POU6F2: variants seen among roughly 807,000 people sequenced by gnomAD.
POU6F2 encodes POU class 6 homeobox 2, also known as POU domain, class 6, transcription factor 2.
In POU6F2, 31 loss-of-function variants were observed where a neutral mutation model predicts 71.3. The observed-to-expected ratio is 0.43, with a 90% CI of 0.33 to 0.59. The LOEUF is 0.59. Ranked by LOEUF, POU6F2 falls within the 20% of genes least tolerant of loss-of-function variation. The pLI is 0.04. For synonymous variants in POU6F2, 347 were observed against 355.7 expected, an observed-to-expected ratio of 0.98 and a Z score of 0.27; for missense variants, 783 against 856.8, an observed-to-expected ratio of 0.91 and a Z score of 1.07.
chr7:39,012,267 A>G (rs2128703557), intron 1 of POU6F2, among the ~76,000 whole-genome samples: 1 of 151,852 alleles, frequency 6.6e-6, no homozygotes, highest in African/African-American at 2.4e-5. Context: ...GCTTCATTTC[A>G]TTCATTTCAT....
At chr7:39,039,516 A>G (rs1182158915) in intron 1 of POU6F2, among the ~76,000 whole-genome samples, 3 of 151,892 alleles carry the variant, frequency 2.0e-5, no homozygotes, top group East Asian at 1.9e-4. Flanking sequence ...CTCTCTCACT[A>G]TAGACAATCT....
intron 6 of POU6F2, among the ~76,000 whole-genome samples, chr7:39,407,527 C>G (rs1787460750): frequency 1.3e-5 from 2 of 151,254 alleles, no homozygotes. Flanking sequence ...GGGGTACCCT[C>G]CATCTGAAGG....
At chr7:39,017,813 CGTGTGT>C (rs70977447) in intron 1 of POU6F2, among the ~76,000 whole-genome samples, 26 of 148,026 alleles carry the variant, frequency 1.8e-4, no homozygotes, top group East Asian at 6.0e-4. Flanking sequence ...ATTGTGCATG[CGTGTGT>C]GTGTGTGTGT....
intron 1 of POU6F2, among the ~76,000 whole-genome samples, chr7:38,990,282 A>G (rs1257076607): frequency 6.6e-6 from 1 of 152,174 alleles, no homozygotes; most frequent in African/African-American, 2.4e-5. Context: ...CATATTTTGA[A>G]TTCAATAAAG....
At chr7:39,156,248 C>T (rs1412211416) in intron 2 of POU6F2, among the ~76,000 whole-genome samples, 1 of 152,106 alleles carries the variant, frequency 6.6e-6, no homozygotes, top group Non-Finnish European at 1.5e-5. Context: ...TTACAAAAGA[C>T]CATATTGACT....
At chr7:39,275,879 T>C (rs536809575) in intron 4 of POU6F2, among the ~76,000 whole-genome samples, 43 of 151,838 alleles carry the variant, frequency 2.8e-4, no homozygotes, top group Admixed American at 7.2e-4. Context: ...ATCCCTTCCT[T>C]ACACCTTATA....
chr7:39,200,699 T>C (rs939094859), intron 2 of POU6F2, among the ~76,000 whole-genome samples: 3 of 152,036 alleles, frequency 2.0e-5, no homozygotes, highest in African/African-American at 7.2e-5. Context: ...ACAAATAATA[T>C]TAAATATTAT....
At chr7:39,296,261 T>C (rs12701720) in intron 4 of POU6F2, among the ~76,000 whole-genome samples, 69,535 of 152,018 alleles carry the variant, frequency 0.46, 16,733 homozygotes, top group Admixed American at 0.59. Context: ...TAATTATTTA[T>C]GAGAACTCTA....
At chr7:39,218,672 G>A (rs565637665) in intron 4 of POU6F2, among the ~76,000 whole-genome samples, 30 of 152,224 alleles carry the variant, frequency 2.0e-4, no homozygotes, top group Admixed American at 6.5e-4. Context: ...GGAATCCAAG[G>A]AGAAGAGGTC....
intron 1 of POU6F2, among the ~76,000 whole-genome samples, chr7:39,039,043 A>C (rs1790123648): frequency 6.6e-6 from 1 of 152,030 alleles, no homozygotes; most frequent in Admixed American, 6.6e-5. Context: ...GATTCAAGCC[A>C]GTTTGAATTC....
In POU6F2 at chr7:39,330,804, CT is replaced by C. The variant is rs201302258; in HGVS notation, c.599-8836del. The stretch of plus-strand genomic sequence containing the variant: ...TTATTTCGTGCATTTATCATTTTCT[CT>C]TCTAGCTACTTTGTAATGTACAATA... On this transcript the variant is annotated intron_variant, in intron 4 of 9. Transcript: ENST00000518318. Among the ~76,000 whole-genome samples, 1,441 of 152,264 alleles carry C rather than the reference CT, an allele frequency of 9.5e-3. 12 individuals carry two copies. The highest frequency in any genetic ancestry group is 0.027 in the Middle Eastern group (8 of 294).
chr7:39,331,490 G>GGTTTT (rs553116050), intron 4 of POU6F2, among the ~76,000 whole-genome samples: 52 of 151,960 alleles, frequency 3.4e-4, no homozygotes, highest in South Asian at 8.3e-4. Context: ...ATCTCACTCC[G>GGTTTT]GTTTTGTTTT....
intron 1 of POU6F2, among the ~76,000 whole-genome samples, chr7:38,984,675 T>C (rs1363029558): frequency 6.6e-6 from 1 of 152,156 alleles, no homozygotes; most frequent in Non-Finnish European, 1.5e-5. Context: ...TTTAAATCTT[T>C]AGAGTTTTTA....
Position 39,460,577 on chromosome 7 carries a change from G to C in POU6F2, c.1520G>C (p.Gly507Ala). 6.2e-7 allele frequency: 1 copy of C among 1,613,636 alleles called. No individual in the cohort carries two copies. The highest frequency in any genetic ancestry group is 1.1e-5 in the South Asian group (1 of 90,904). ...NPQTAAGEVD[G>A]VNLEEIREFA... ...CAAACGGCAGCGGGTGAGGTGGATG[G>C]GGTTAATCTGGAGGAGATCCGAGAA... The change falls in exon 9 of 10, where the codon GGG (glycine) becomes GCG (alanine). Residue 507 changes from glycine to alanine, a missense_variant. Gly to Ala is a moderately conservative substitution (Grantham distance 60). Coordinates refer to ENST00000518318, the MANE Select transcript of POU6F2 (RefSeq NM_001370959.1). This position sits in a 1 kb window ranked among gnomAD's most constrained non-coding sequence, Gnocchi z 4.4.
At chr7:39,393,988 C>A (rs1787126484) in intron 5 of POU6F2, among the ~76,000 whole-genome samples, 1 of 152,164 alleles carries the variant, frequency 6.6e-6, no homozygotes, top group South Asian at 2.1e-4. Flanking sequence ...CAAATAGAAT[C>A]TGTAGAAAAG....
chr7:39,132,486 C>G (rs1324727992), intron 2 of POU6F2: 1 of 152,148 alleles, frequency 6.6e-6, no homozygotes, highest in Non-Finnish European at 1.5e-5. Context: ...GCGAGTGTTC[C>G]TAAAGTGGAA....
At chr7:39,235,961 T>C (rs1235054250) in intron 4 of POU6F2, among the ~76,000 whole-genome samples, 1 of 152,188 alleles carries the variant, frequency 6.6e-6, no homozygotes, top group African/African-American at 2.4e-5. Context: ...TAAGATATGA[T>C]CATTATTGAA....
At chr7:39,224,098 A>G (rs1794417817) in intron 4 of POU6F2, among the ~76,000 whole-genome samples, 1 of 152,158 alleles carries the variant, frequency 6.6e-6, no homozygotes, top group South Asian at 2.1e-4. Context: ...TCTAGCCACA[A>G]ATAGAATGCA....
intron 6 of POU6F2, among the ~76,000 whole-genome samples, chr7:39,416,897 A>G (rs1787692578): frequency 6.6e-6 from 1 of 152,196 alleles, no homozygotes; most frequent in African/African-American, 2.4e-5. Flanking sequence ...TATATCCTGA[A>G]CCAATTCCAG....
Sources: allele counts gnomAD v4.1 joint callset (sites outside exome capture counted in the v4.1 genomes callset), GRCh38; gene constraint gnomAD v4.1.1; non-coding constraint Gnocchi (gnomAD v3.1); transcripts MANE v1.5; gene names NCBI Gene and HGNC (gene_info 2026-07-23, HGNC 2026-07-21).